ZCCHC4: variants seen among roughly 807,000 people sequenced by gnomAD.
The protein encoded by ZCCHC4 is zinc finger CCHC-type containing 4, also known as rRNA N(6)-adenosine-methyltransferase ZCCHC4.
ZCCHC4 carries 54 observed loss-of-function variants against 67.7 expected under a neutral mutation model. The observed-to-expected ratio is 0.80, with a 90% confidence interval of 0.64 to 1.00. The LOEUF (loss-of-function observed/expected upper bound fraction) is 1.00, where lower values mean the gene tolerates loss of function less well. Among genes scored for constraint, ZCCHC4 ranks in the 50% least tolerant of loss-of-function variants. The probability of loss-of-function intolerance (pLI) is 0.00; values close to 1 mark genes in which losing one functional copy is unlikely to be tolerated. For synonymous variants in ZCCHC4, 198 were observed against 213.5 expected (o/e 0.93, Z 0.63); for missense variants, 609 against 617.0 (o/e 0.99, Z 0.14).
rs1248521170 is a variant in ZCCHC4, at chr4:25,369,568, G to A, written c.*404G>A. ...CCTGCCTTAGCCTCCTGAGTAGCTG[G>A]AATTATAGGCACATGCCACCACGAC... On this transcript the variant is annotated 3_prime_UTR_variant, in exon 13 of 13. Transcript: ENST00000302874. The A allele has an allele frequency of 1.2e-5, 2 of 165,588 alleles. No individual in the cohort carries two copies. The highest frequency in any genetic ancestry group is 3.7e-4 in the East Asian group (2 of 5,386). The allele number at this position is 165,588 out of a possible 1,614,324, so 10.3% of individuals were successfully genotyped here.
intron 5 of ZCCHC4, among the ~76,000 whole-genome samples, chr4:25,342,709 T>A (rs1317565107): frequency 6.6e-6 from 1 of 152,162 alleles, no homozygotes; most frequent in East Asian, 1.9e-4. Flanking sequence ...CTGATTGGTT[T>A]TGTTTGCCTT....
intron 12 of ZCCHC4, among the ~76,000 whole-genome samples, chr4:25,366,906 G>A (rs315673): frequency 1 from 152,304 of 152,312 alleles, 76,148 homozygotes; most frequent in Middle Eastern, 1. Flanking sequence ...GATCTTATCA[G>A]GTTTAATTCC....
In ZCCHC4 at chr4:25,359,524, G is replaced by A. The variant is rs1720640277; in HGVS notation, c.1012-2335G>A. Among the ~76,000 whole-genome samples the A allele has an allele frequency of 6.6e-6, 1 of 152,216 alleles. No homozygotes were observed. The highest frequency in any genetic ancestry group is 1.5e-5 in the Non-Finnish European group (1 of 68,040). On this transcript the variant is annotated intron_variant, in intron 8 of 12. Transcript: ENST00000302874. The surrounding 1 kb of genome is among the most constrained non-coding windows in gnomAD (Gnocchi z 4.9). ...CACCTGGTCTGATACCAAGGAGGCT[G>A]TTGGCGGGATCAAGGGGTCCGTGCC...
At chr4:25,318,349 C>CTTTTTTTTTTTTT (rs528144406) in intron 3 of ZCCHC4, among the ~76,000 whole-genome samples, 5 of 45,508 alleles carry the variant, frequency 1.1e-4, no homozygotes, top group African/African-American at 2.0e-4. Flanking sequence ...CACTCTCTCT[C>CTTTTTTTTTTTTT]TTTTTTTTTT....
At chr4:25,361,609 C>T (rs1720740138) in intron 8 of ZCCHC4, 1 of 423,126 alleles carries the variant, frequency 2.4e-6, no homozygotes. Flanking sequence ...CAGCTTGCGC[C>T]CAGTCTCGCT....
chr4:25,320,163 A>G (rs953573504), intron 3 of ZCCHC4, among the ~76,000 whole-genome samples: 1 of 148,980 alleles, frequency 6.7e-6, no homozygotes, highest in Non-Finnish European at 1.5e-5. Context: ...ACATATTTAC[A>G]TTTTGTGCCT....
intron 3 of ZCCHC4, among the ~76,000 whole-genome samples, chr4:25,322,094 A>G (rs1038862922): frequency 1.3e-5 from 2 of 152,196 alleles, no homozygotes; most frequent in Non-Finnish European, 2.9e-5. Flanking sequence ...GTGAAAAAAT[A>G]TACACCTTAG....
At chr4:25,362,919 T>C (rs1352936389) in intron 10 of ZCCHC4, among the ~76,000 whole-genome samples, 1 of 152,170 alleles carries the variant, frequency 6.6e-6, no homozygotes, top group African/African-American at 2.4e-5. Flanking sequence ...ATTCCCCCTA[T>C]GTCCCCTGCC....
At chr4:25,314,003 C>T (rs1357199124) in intron 1 of ZCCHC4, 43 bp from the exon 2 acceptor site, 2 of 1,245,762 alleles carry the variant, frequency 1.6e-6, no homozygotes, top group Non-Finnish European at 2.2e-6. Context: ...CGTAGATGAC[C>T]ATTACTTGAC....
At chr4:25,365,297 T>C in intron 12 of ZCCHC4, 131 bp downstream of exon 12, 2 of 1,455,330 alleles carry the variant, frequency 1.4e-6, no homozygotes, top group Non-Finnish European at 1.8e-6. Context: ...AAGTACTGGC[T>C]GCATAGATGG....
Position 25,369,218 on chromosome 4 carries a change from T to A in ZCCHC4, c.*54T>A, listed in dbSNP as rs555097581. The A allele has an allele frequency of 6.4e-4, 1,017 of 1,598,534 alleles. 2 individuals are homozygous for A. In the Middle Eastern group the frequency reaches 0.011, roughly 18 times the overall value. Reference sequence around the variant, plus strand: ...TTTATGGTCCAACCTTTGATGCCATTTTCTGAAAGTGCCACACTGGACTTA... The same window carrying A: ...TTTATGGTCCAACCTTTGATGCCATATTCTGAAAGTGCCACACTGGACTTA... On this transcript the variant is annotated 3_prime_UTR_variant, in exon 13 of 13. Transcript: ENST00000302874.
rs1013229875 is a variant in ZCCHC4, at chr4:25,351,816, A to G, written c.1011+127A>G. On this transcript the variant is annotated intron_variant, in intron 8 of 12. Transcript: ENST00000302874. Reference sequence around the variant, plus strand: ...ATTAAACACTAATATTATACCATATATAGCTCAGTCCAGTGTTTTCTAAAT... The same window carrying G: ...ATTAAACACTAATATTATACCATATGTAGCTCAGTCCAGTGTTTTCTAAAT... 6.1e-6 allele frequency: 6 copies of G among 991,274 alleles called. No individual in the cohort carries two copies. The Admixed American group carries it at 9.9e-5, about 16-fold the overall frequency. The allele number at this position is 991,274 out of a possible 1,614,324, so 61.4% of individuals were successfully genotyped here. A position where few individuals can be genotyped will look rare whatever the true frequency, so the allele number is the denominator to read the frequency against.
At chr4:25,343,663 C>T (rs777321008) in intron 5 of ZCCHC4, among the ~76,000 whole-genome samples, 3 of 152,166 alleles carry the variant, frequency 2.0e-5, no homozygotes, top group Non-Finnish European at 2.9e-5. Context: ...AGCTAGTAAG[C>T]GAGAGACACA....
At chr4:25,327,716 A>G (rs1262194603) in intron 3 of ZCCHC4, among the ~76,000 whole-genome samples, 1 of 152,154 alleles carries the variant, frequency 6.6e-6, no homozygotes, top group Non-Finnish European at 1.5e-5. Context: ...CCTGGGCTCA[A>G]GCCGTCCTCC....
At chr4:25,361,761 C>G in intron 8 of ZCCHC4, 98 bp from the exon 9 acceptor site, 1 of 1,229,918 alleles carries the variant, frequency 8.1e-7, no homozygotes, top group Non-Finnish European at 1.1e-6. Flanking sequence ...TACTTTAACT[C>G]ATATATTGGC....
intron 3 of ZCCHC4, among the ~76,000 whole-genome samples, chr4:25,325,327 G>GTTTCTTT: frequency 6.9e-6 from 1 of 145,212 alleles, no homozygotes; most frequent in Non-Finnish European, 1.5e-5. Flanking sequence ...TTTGGCAGTG[G>GTTTCTTT]TGCCATCTCG....
At chr4:25,333,690 A>G (rs1249408699) in intron 4 of ZCCHC4, among the ~76,000 whole-genome samples, 1 of 152,208 alleles carries the variant, frequency 6.6e-6, no homozygotes, top group Admixed American at 6.5e-5. Flanking sequence ...TTTAACTGCT[A>G]AATTGTTTAT....
intron 12 of ZCCHC4, chr4:25,366,020 C>T (rs562873155): frequency 1.4e-6 from 1 of 708,040 alleles, no homozygotes; most frequent in Admixed American, 8.2e-5. Flanking sequence ...TATGAAAATT[C>T]AGATTGGGCT....
intron 5 of ZCCHC4, 83 bp downstream of exon 5, chr4:25,334,071 GT>G: frequency 2.3e-6 from 2 of 855,398 alleles, no homozygotes; most frequent in Non-Finnish European, 3.4e-6. Context: ...TTTATACTCT[GT>G]TACAACTCTT....
Sources: allele counts gnomAD v4.1 joint callset (sites outside exome capture counted in the v4.1 genomes callset), GRCh38; gene constraint gnomAD v4.1.1; non-coding constraint Gnocchi (gnomAD v3.1); transcripts MANE v1.5; gene names NCBI Gene and HGNC (gene_info 2026-07-23, HGNC 2026-07-21).